The following WWOX variants were observed in gnomAD, a reference collection of about 807,000 sequenced individuals.
WWOX encodes WW domain-containing oxidoreductase.
In WWOX, 69 loss-of-function variants were observed where a neutral mutation model predicts 46.2. The observed-to-expected ratio is 1.49, with a 90% CI of 1.23 to 1.82. WWOX has a LOEUF of 1.82. Ranked by LOEUF, WWOX falls within the 40% of genes most tolerant of loss-of-function variation. WWOX has a pLI of 0.00. For missense variants in WWOX, 919 were observed against 542.6 expected (o/e 1.69, Z -6.89); for synonymous variants, 359 against 202.6 (o/e 1.77, Z -6.56).
intron 8 of WWOX, among the ~76,000 whole-genome samples, chr16:79,186,777 G>A (rs146541912): frequency 1.6e-4 from 25 of 152,014 alleles, no homozygotes; most frequent in Non-Finnish European, 2.8e-4. Context: ...CAATCCTCAC[G>A]CTAGCATTTC....
chr16:78,376,623 T>A (rs1045033659), intron 5 of WWOX, among the ~76,000 whole-genome samples: 7 of 152,140 alleles, frequency 4.6e-5, no homozygotes, highest in Non-Finnish European at 5.9e-5. Flanking sequence ...AGATAATCCT[T>A]TGTTATGGGG....
chr16:78,343,987 C>G lies in WWOX; in HGVS notation c.517-42873C>G, dbSNP rs527532197. On this transcript the variant is annotated intron_variant, in intron 5 of 8. Transcript: ENST00000566780. The stretch of plus-strand genomic sequence containing the variant: ...TTTGCCTTCCTCCCTTGCTCTTTTT[C>G]TGCCCCTCATGCCGGCTCCTTCCTC... Among the ~76,000 whole-genome samples, 12 of 119,930 alleles carry G rather than the reference C, an allele frequency of 1.0e-4. 3 individuals carry two copies. Among genetic ancestry groups the G allele is most frequent in the Middle Eastern group, 4.0e-3 (1 of 252 alleles). The allele number at this position is 119,930 out of a possible 152,430, so 78.7% of individuals were successfully genotyped here.
chr16:79,091,934 C>G lies in WWOX; in HGVS notation c.1057-119674C>G, dbSNP rs1041429475. ...TAGCTGGGACCACAGGTGCATGCCA[C>G]CACGCCCAGCTAATTTTTGTATTTT... is the stretch of plus-strand genomic sequence containing the variant. On this transcript the variant is annotated intron_variant, in intron 8 of 8. Coordinates refer to ENST00000566780, the MANE Select transcript of WWOX (RefSeq NM_016373.4). 7.9e-5 allele frequency among the ~76,000 whole-genome samples: 12 copies of G among 151,848 alleles called. 2 individuals carry two copies. The highest frequency in any genetic ancestry group is 5.9e-5 in the Non-Finnish European group (4 of 67,976).
intron 8 of WWOX, among the ~76,000 whole-genome samples, chr16:78,839,905 A>G (rs1384052556): frequency 6.6e-6 from 1 of 152,206 alleles, no homozygotes; most frequent in African/African-American, 2.4e-5. Flanking sequence ...TCAGGCAGGT[A>G]AGCGCACAAA....
intron 5 of WWOX, among the ~76,000 whole-genome samples, chr16:78,226,003 G>T (rs2037041952): frequency 6.6e-6 from 1 of 151,850 alleles, no homozygotes; most frequent in African/African-American, 2.4e-5. Context: ...CCTTTTACTG[G>T]TACTTCTGCA....
intron 5 of WWOX, among the ~76,000 whole-genome samples, chr16:78,203,449 T>A (rs2036293675): frequency 6.6e-6 from 1 of 152,188 alleles, no homozygotes; most frequent in Non-Finnish European, 1.5e-5. Context: ...TTGAGTGTAT[T>A]TGGATAGAAG....
intron 5 of WWOX, among the ~76,000 whole-genome samples, chr16:78,261,745 T>C (rs72790036): frequency 0.075 from 10,658 of 141,416 alleles, 736 homozygotes; most frequent in Admixed American, 0.17. Context: ...CATGTGTGTG[T>C]GTGTGTCTGT....
chr16:78,702,533 C>T (rs1295692187), intron 8 of WWOX, among the ~76,000 whole-genome samples: 1 of 151,682 alleles, frequency 6.6e-6, no homozygotes, highest in Non-Finnish European at 1.5e-5. Context: ...TGTCTGTAAT[C>T]CCAAATGCTT....
intron 8 of WWOX, among the ~76,000 whole-genome samples, chr16:78,818,895 T>A (rs542758707): frequency 2.0e-5 from 3 of 152,308 alleles, no homozygotes; most frequent in African/African-American, 7.2e-5. Context: ...GGAGGTTAAG[T>A]GTACGGCTTA....
chr16:78,705,147 T>C (rs1218129920), intron 8 of WWOX, among the ~76,000 whole-genome samples: 1 of 152,182 alleles, frequency 6.6e-6, no homozygotes, highest in African/African-American at 2.4e-5. Flanking sequence ...TGATTTTCTT[T>C]GATATTAAAA....
At chr16:78,402,478 G>T (rs375938986) in intron 6 of WWOX, among the ~76,000 whole-genome samples, 16 of 152,242 alleles carry the variant, frequency 1.1e-4, no homozygotes, top group African/African-American at 3.6e-4. Context: ...CATCATGGGT[G>T]GGGGGTTGCA....
chr16:78,375,721 A>C (rs2081804820), intron 5 of WWOX, among the ~76,000 whole-genome samples: 1 of 152,220 alleles, frequency 6.6e-6, no homozygotes, highest in Non-Finnish European at 1.5e-5. Flanking sequence ...TTCATCTTAA[A>C]GAAAAAAATT....
intron 5 of WWOX, among the ~76,000 whole-genome samples, chr16:78,200,576 C>A (rs1040549952): frequency 6.6e-6 from 1 of 150,770 alleles, no homozygotes; most frequent in Non-Finnish European, 1.5e-5. Context: ...ACTGTGCTTT[C>A]CCTTGAGTTT....
At chr16:78,736,493 C>T (rs1199039665) in intron 8 of WWOX, among the ~76,000 whole-genome samples, 1 of 152,210 alleles carries the variant, frequency 6.6e-6, no homozygotes, top group Admixed American at 6.5e-5. Context: ...GTCTCAAAGT[C>T]TCACATGTGA....
intron 8 of WWOX, among the ~76,000 whole-genome samples, chr16:78,885,012 C>A (rs961067458): frequency 2.0e-5 from 3 of 152,300 alleles, no homozygotes; most frequent in South Asian, 2.1e-4. Flanking sequence ...TGTCACTGGG[C>A]AGTTGTTTCT....
chr16:78,702,545 C>G (rs1325945077), intron 8 of WWOX, among the ~76,000 whole-genome samples: 1 of 151,550 alleles, frequency 6.6e-6, no homozygotes, highest in Admixed American at 6.6e-5. Flanking sequence ...CAAATGCTTG[C>G]TCGGGAGGCT....
chr16:79,053,734 G>A (rs984528323), intron 8 of WWOX, among the ~76,000 whole-genome samples: 1 of 152,180 alleles, frequency 6.6e-6, no homozygotes, highest in Admixed American at 6.5e-5. Context: ...AGAGGATGCA[G>A]GCTTGGGAAG....
At chr16:78,846,559 C>T (rs2052304105) in intron 8 of WWOX, among the ~76,000 whole-genome samples, 1 of 152,054 alleles carries the variant, frequency 6.6e-6, no homozygotes, top group Non-Finnish European at 1.5e-5. Context: ...GAGGAATATA[C>T]ATAAGTGATG....
intron 8 of WWOX, among the ~76,000 whole-genome samples, chr16:79,150,786 C>T (rs1007641695): frequency 6.6e-6 from 1 of 152,080 alleles, no homozygotes; most frequent in African/African-American, 2.4e-5. Context: ...GGACTACAGG[C>T]GTGTGTCACT....
Sources: gnomAD v4.1 joint callset for allele counts (sites outside exome capture counted in the v4.1 genomes callset) on GRCh38, gnomAD v4.1.1 for gene constraint, MANE v1.5 for transcripts, NCBI Gene and HGNC (gene_info 2026-07-23, HGNC 2026-07-21) for gene names.